The following ZC3H12B variants were observed in gnomAD, a reference collection of about 807,000 sequenced individuals.
ZC3H12B encodes probable ribonuclease ZC3H12B.
ZC3H12B carries 7 observed loss-of-function variants against 43.9 expected under a neutral mutation model. That is an observed-to-expected ratio of 0.16 (90% CI 0.09 to 0.30). The LOEUF (loss-of-function observed/expected upper bound fraction) is 0.30, where lower values mean the gene tolerates loss of function less well. Ranked by LOEUF, ZC3H12B falls within the 10% of genes least tolerant of loss-of-function variation. ZC3H12B has a pLI of 1.00. For missense variants in ZC3H12B, 475 were observed against 670.2 expected (o/e 0.71, Z 3.22); for synonymous variants, 222 against 241.7 (o/e 0.92, Z 0.76).
chrX:65,429,490 A>G (rs900640454), intron 3 of ZC3H12B, among the ~76,000 whole-genome samples: 1 of 112,574 alleles, frequency 8.9e-6, no homozygotes, highest in Non-Finnish European at 1.9e-5. Flanking sequence ...ACCGGTAAGG[A>G]GGAATAGATT....
chrX:65,421,239 C>T (rs2067013827), intron 3 of ZC3H12B, among the ~76,000 whole-genome samples: 1 of 112,033 alleles, frequency 8.9e-6, no homozygotes, highest in Non-Finnish European at 1.9e-5. Context: ...CTATGGATAC[C>T]AGTCAGCCTC....
chrX:65,458,112 A>C (rs1292600044), intron 3 of ZC3H12B, among the ~76,000 whole-genome samples: 1 of 101,410 alleles, frequency 9.9e-6, no homozygotes, highest in East Asian at 3.0e-4. Context: ...GAGACAAAGA[A>C]GGCCATTACA....
At chrX:65,393,532 G>A (rs2066655456) in intron 2 of ZC3H12B, among the ~76,000 whole-genome samples, 1 of 111,394 alleles carries the variant, frequency 9.0e-6, no homozygotes, top group African/African-American at 3.3e-5. Context: ...TCCCACTTAT[G>A]AGTGAGAACG....
chrX:65,149,971 T>C, the ZC3H12B span, among the ~76,000 whole-genome samples: 1 of 109,900 alleles, frequency 9.1e-6, no homozygotes, highest in Non-Finnish European at 1.9e-5. Flanking sequence ...ATTGAGTTCC[T>C]TAAGTACCTG....
the ZC3H12B span, among the ~76,000 whole-genome samples, chrX:65,205,736 T>C: frequency 1.8e-5 from 2 of 111,221 alleles, no homozygotes; most frequent in African/African-American, 6.5e-5. Flanking sequence ...ACTGTCACTG[T>C]TTGCTGGTAA....
At chrX:65,121,001 C>T in the ZC3H12B span, among the ~76,000 whole-genome samples, 1 of 110,941 alleles carries the variant, frequency 9.0e-6, no homozygotes, top group African/African-American at 3.3e-5. Flanking sequence ...GGATGAAGCC[C>T]ACTTGATCAT....
chrX:65,228,063 T>G, the ZC3H12B span, among the ~76,000 whole-genome samples: 259 of 111,720 alleles, frequency 2.3e-3, 1 homozygote, highest in African/African-American at 8.1e-3. Flanking sequence ...TACTAAAGCC[T>G]GGCAGAGACA....
the ZC3H12B span, among the ~76,000 whole-genome samples, chrX:65,109,886 T>A: frequency 8.9e-6 from 1 of 111,790 alleles, no homozygotes; most frequent in Admixed American, 9.5e-5. Context: ...TTAATAGCCA[T>A]CCTAGTGGGC....
At chrX:65,121,866 C>T in the ZC3H12B span, among the ~76,000 whole-genome samples, 35 of 111,387 alleles carry the variant, frequency 3.1e-4, no homozygotes, top group African/African-American at 9.1e-4. Flanking sequence ...TCGTTGGTTT[C>T]GAAGAACATC....
the ZC3H12B span, among the ~76,000 whole-genome samples, chrX:65,201,208 TAC>T: frequency 8.9e-6 from 1 of 111,948 alleles, no homozygotes; most frequent in East Asian, 2.8e-4. Flanking sequence ...GGCTATTTAC[TAC>T]CACCTCAATT....
At chrX:65,455,005 G>A (rs2067586156) in intron 3 of ZC3H12B, among the ~76,000 whole-genome samples, 1 of 111,767 alleles carries the variant, frequency 8.9e-6, no homozygotes, top group South Asian at 3.7e-4. Context: ...GACCAAAGTA[G>A]ATAAAACCAC....
the ZC3H12B span, among the ~76,000 whole-genome samples, chrX:65,294,102 G>A: frequency 2.7e-5 from 3 of 111,354 alleles, no homozygotes; most frequent in Admixed American, 2.9e-4. Context: ...GAGCCCTGAG[G>A]TGAAAGCATC....
At chrX:65,245,904 C>A in the ZC3H12B span, among the ~76,000 whole-genome samples, 1 of 109,272 alleles carries the variant, frequency 9.2e-6, no homozygotes, top group Admixed American at 9.8e-5. Context: ...TGCACATGTA[C>A]CCTAGAACTT....
chrX:65,354,272 G>A, the ZC3H12B span, among the ~76,000 whole-genome samples: 1 of 112,023 alleles, frequency 8.9e-6, no homozygotes, highest in Non-Finnish European at 1.9e-5. Context: ...GAAACAGGCA[G>A]CAATCTTTGC....
intron 2 of ZC3H12B, among the ~76,000 whole-genome samples, chrX:65,394,158 T>A (rs1416467026): frequency 1.8e-5 from 2 of 112,473 alleles, no homozygotes; most frequent in Non-Finnish European, 3.8e-5. Context: ...GGTTGCCTGT[T>A]CACTCTGAGA....
chrX:65,250,570 C>T, the ZC3H12B span, among the ~76,000 whole-genome samples: 2 of 111,830 alleles, frequency 1.8e-5, no homozygotes, highest in Admixed American at 1.9e-4. Flanking sequence ...AAAAGTGTTC[C>T]TATTTCTCCA....
the ZC3H12B span, among the ~76,000 whole-genome samples, chrX:65,275,349 T>G: frequency 8.9e-6 from 1 of 112,833 alleles, no homozygotes; most frequent in Non-Finnish European, 1.9e-5. Context: ...GAAACAGCCC[T>G]GCAGGCTGCT....
chrX:65,282,978 C>A, the ZC3H12B span, among the ~76,000 whole-genome samples: 16 of 111,561 alleles, frequency 1.4e-4, no homozygotes, highest in African/African-American at 5.2e-4. Flanking sequence ...TTTTATGAGG[C>A]CAGCATCATC....
rs754394379 is a variant in ZC3H12B at position 65,369,335 on chromosome X, C to G, written n.295+337C>G. ...ATCACATTTAATCCTCATAGCAATC[C>G]TATGGTGTAGGTATTATCATCTCCA... On this transcript the variant is annotated intron_variant and non_coding_transcript_variant, in intron 2 of 5. Transcript: ENST00000617377. Among the ~76,000 whole-genome samples, 4 of 111,690 alleles carry G rather than the reference C, an allele frequency of 3.6e-5. No homozygotes were observed. The East Asian group carries it at 1.1e-3, about 31-fold the overall frequency.
Sources: gnomAD v4.1 joint callset for allele counts (sites outside exome capture counted in the v4.1 genomes callset) on GRCh38, gnomAD v4.1.1 for gene constraint, MANE v1.5 for transcripts, NCBI Gene and HGNC (gene_info 2026-07-23, HGNC 2026-07-21) for gene names.